KIF16B: variants seen among roughly 807,000 people sequenced by gnomAD.
KIF16B encodes the protein kinesin family member 16B.
KIF16B carries 98 observed loss-of-function variants against 156.3 expected under a neutral mutation model. The ratio of observed to expected loss-of-function variants is 0.63; its 90% CI spans 0.53 to 0.74. KIF16B has a LOEUF of 0.74. Among genes scored for constraint, KIF16B ranks in the 30% least tolerant of loss-of-function variants. KIF16B has a pLI of 0.00. For missense variants in KIF16B, 1,421 were observed against 1,606.5 expected, an observed-to-expected ratio of 0.88 and a Z score of 1.97; for synonymous variants, 564 against 583.7, an observed-to-expected ratio of 0.97 and a Z score of 0.49.
At chr20:16,307,675 T>G (rs146469897) in intron 25 of KIF16B, among the ~76,000 whole-genome samples, 1 of 152,208 alleles carries the variant, frequency 6.6e-6, no homozygotes, top group Non-Finnish European at 1.5e-5. Context: ...AAGAAAAGAA[T>G]TGTGCTTCTA....
rs144511038 is a variant in KIF16B, at chr20:16,316,192, A to G, written c.3712-3774T>C. 1.0e-3 allele frequency among the ~76,000 whole-genome samples: 153 copies of G among 152,318 alleles called. 2 individuals are homozygous for G. Among genetic ancestry groups the G allele is most frequent in the African/African-American group, 3.4e-3 (142 of 41,568 alleles). Reference sequence around the variant, plus strand: ...TATCTAAATCCTGCATAAAACTTCGACACTTAAGTGACTGCTAGGGTCGCT... The same window carrying G: ...TATCTAAATCCTGCATAAAACTTCGGCACTTAAGTGACTGCTAGGGTCGCT... On this transcript the variant is annotated intron_variant, in intron 24 of 25. Transcript: ENST00000354981.
At chr20:16,521,885 G>T (rs971397766) in intron 3 of KIF16B, among the ~76,000 whole-genome samples, 3 of 152,124 alleles carry the variant, frequency 2.0e-5, no homozygotes, top group African/African-American at 7.2e-5. Context: ...TTAAAGAAAA[G>T]AATTTTCAAC....
chr20:16,532,468 T>C (rs117736555), intron 1 of KIF16B, among the ~76,000 whole-genome samples: 3,336 of 152,284 alleles, frequency 0.022, 52 homozygotes, highest in Non-Finnish European at 0.036. Context: ...GGCAATTCCA[T>C]TGTGGACCCA....
intron 17 of KIF16B, among the ~76,000 whole-genome samples, chr20:16,403,148 T>G (rs2065697593): frequency 6.6e-6 from 1 of 152,180 alleles, no homozygotes; most frequent in Non-Finnish European, 1.5e-5. Context: ...AGTACCTGGA[T>G]TCCAGGATTA....
chr20:16,498,987 A>C (rs1380186272), intron 10 of KIF16B, among the ~76,000 whole-genome samples: 1 of 152,074 alleles, frequency 6.6e-6, no homozygotes, highest in Non-Finnish European at 1.5e-5. Context: ...ACTGAACGAA[A>C]GCAGAGCTGG....
intron 3 of KIF16B, among the ~76,000 whole-genome samples, chr20:16,517,810 C>A (rs147464169): frequency 2.6e-5 from 4 of 152,226 alleles, no homozygotes; most frequent in East Asian, 3.9e-4. Flanking sequence ...AAGGCAAATA[C>A]CATTTTTTAT....
intron 1 of KIF16B, among the ~76,000 whole-genome samples, chr20:16,536,619 G>A (rs993494700): frequency 1.3e-5 from 2 of 152,148 alleles, no homozygotes; most frequent in African/African-American, 4.8e-5. Flanking sequence ...AAATGTTTAG[G>A]AGAAGTAAAA....
At chr20:16,300,754 C>G (rs1407185944) in intron 25 of KIF16B, among the ~76,000 whole-genome samples, 2 of 152,076 alleles carry the variant, frequency 1.3e-5, no homozygotes, top group Non-Finnish European at 2.9e-5. Context: ...CTTTACCCCC[C>G]AAATATGCAG....
At chr20:16,454,321 C>A (rs897748140) in intron 12 of KIF16B, among the ~76,000 whole-genome samples, 1 of 150,012 alleles carries the variant, frequency 6.7e-6, no homozygotes, top group East Asian at 1.9e-4. Context: ...CTATAGCATA[C>A]CAGTTTTAAA....
At chr20:16,552,729 C>G (rs2070712793) in intron 1 of KIF16B, among the ~76,000 whole-genome samples, 1 of 152,166 alleles carries the variant, frequency 6.6e-6, no homozygotes, top group South Asian at 2.1e-4. Context: ...TTGTCTTTTT[C>G]ACACTCACAT....
At chr20:16,307,361 G>C (rs534189225) in intron 25 of KIF16B, among the ~76,000 whole-genome samples, 15 of 152,124 alleles carry the variant, frequency 9.9e-5, no homozygotes, top group Non-Finnish European at 5.9e-5. Context: ...TCATTAACTT[G>C]GGGCTAATTT....
In KIF16B at chr20:16,380,197, G is replaced by A. The variant is rs746488251; in HGVS notation, c.1839-34C>T. On this transcript the variant is annotated intron_variant, in intron 18 of 25. Transcript: ENST00000354981. ...CAAAGCACTGACTGGTTGTTATCTG[G>A]TCATTGTTCAAATGTTGCTCTAACT... is the stretch of plus-strand genomic sequence containing the variant. 2.1e-6 allele frequency: 3 copies of A among 1,454,680 alleles called. No individual in the cohort carries two copies. In the East Asian group the frequency reaches 7.3e-5, roughly 35 times the overall value. 90.1% of individuals were successfully genotyped at this position (1,454,680 alleles called of 1,614,324 possible).
At chr20:16,317,150 A>G (rs1231900753) in intron 24 of KIF16B, among the ~76,000 whole-genome samples, 4 of 152,168 alleles carry the variant, frequency 2.6e-5, no homozygotes, top group African/African-American at 9.7e-5. Context: ...AGTACTTTAT[A>G]TTTACACATT....
intron 15 of KIF16B, among the ~76,000 whole-genome samples, chr20:16,408,425 C>T (rs2065839949): frequency 6.6e-6 from 1 of 152,072 alleles, no homozygotes; most frequent in Admixed American, 6.6e-5. Flanking sequence ...CCTTTTACGA[C>T]TAGGACTACA....
chr20:16,358,495 G>A (rs539373132), intron 22 of KIF16B, among the ~76,000 whole-genome samples: 1 of 152,320 alleles, frequency 6.6e-6, no homozygotes, highest in Admixed American at 6.5e-5. Context: ...GATAAGATGT[G>A]GAATCCAATC....
intron 23 of KIF16B, among the ~76,000 whole-genome samples, chr20:16,338,248 C>T (rs1051631524): frequency 6.6e-6 from 1 of 152,184 alleles, no homozygotes; most frequent in African/African-American, 2.4e-5. Flanking sequence ...CTTCATCCTA[C>T]CGTGCTGGGA....
intron 25 of KIF16B, among the ~76,000 whole-genome samples, chr20:16,283,511 C>A (rs1026523525): frequency 6.6e-6 from 1 of 152,160 alleles, no homozygotes; most frequent in Admixed American, 6.5e-5. Flanking sequence ...CCGTGGCTGC[C>A]AGCTGAGTGC....
At chr20:16,320,254 T>TA (rs889859194) in intron 24 of KIF16B, among the ~76,000 whole-genome samples, 2 of 152,074 alleles carry the variant, frequency 1.3e-5, no homozygotes, top group Admixed American at 1.3e-4. Flanking sequence ...AACCTCGCAC[T>TA]AAAAATCAAT....
chr20:16,557,178 A>C (rs907863258), intron 1 of KIF16B, among the ~76,000 whole-genome samples: 1 of 147,910 alleles, frequency 6.8e-6, no homozygotes, highest in Non-Finnish European at 1.5e-5. Flanking sequence ...CACACATACT[A>C]ATACTATATA....
Sources: gnomAD v4.1 joint callset for allele counts (sites outside exome capture counted in the v4.1 genomes callset) on GRCh38, gnomAD v4.1.1 for gene constraint, MANE v1.5 for transcripts, NCBI Gene and HGNC (gene_info 2026-07-23, HGNC 2026-07-21) for gene names.